PRICKLE2: variants seen among roughly 807,000 people sequenced by gnomAD.
The protein encoded by PRICKLE2 is prickle-like protein 2.
PRICKLE2 carries 21 observed loss-of-function variants against 81.4 expected under a neutral mutation model. The observed-to-expected ratio is 0.26, with a 90% CI of 0.18 to 0.37. The LOEUF (loss-of-function observed/expected upper bound fraction) is 0.37, where lower values mean the gene tolerates loss of function less well. Among genes scored for constraint, PRICKLE2 ranks in the 10% least tolerant of loss-of-function variants. The probability of loss-of-function intolerance (pLI) is 1.00; values close to 1 mark genes in which losing one functional copy is unlikely to be tolerated. For synonymous variants in PRICKLE2, 456 were observed against 421.5 expected, an observed-to-expected ratio of 1.08 and a Z score of -1.00; for missense variants, 940 against 1,109.0, an observed-to-expected ratio of 0.85 and a Z score of 2.16.
At position 64,193,310 on chromosome 3, in the gene PRICKLE2, T is replaced by C. The variant is rs75356659; in HGVS notation, c.144+5474A>G. Among the ~76,000 whole-genome samples, 474 of 152,254 alleles carry C rather than the reference T, an allele frequency of 3.1e-3. 6 individuals are homozygous for C. Among genetic ancestry groups the C allele is most frequent in the African/African-American group, 0.011 (440 of 41,552 alleles). ...CAGGATCATCTGGTACTTTTTGGGATGCTTAGCATCTCAAGGACCCATGCA... is the reference window on the plus strand; with the variant it reads ...CAGGATCATCTGGTACTTTTTGGGACGCTTAGCATCTCAAGGACCCATGCA... On this transcript the variant is annotated intron_variant, in intron 2 of 7. Transcript: ENST00000638394.
rs1559596898 is a variant in PRICKLE2 at position 64,235,918 on chromosome 3, A to G, written c.129-36951T>C. ...CCAGAGTGGAGTTTCCATCACACTG[A>G]TCTGCGTTGTGTGTGTGTAGTTGGG... On this transcript the variant is annotated intron_variant, in intron 2 of 8. Coordinates refer to the PRICKLE2 transcript ENST00000295902. Among the ~76,000 whole-genome samples the G allele has an allele frequency of 2.0e-5, 3 of 151,964 alleles. No individual in the cohort carries two copies. In the East Asian group the frequency reaches 5.8e-4, roughly 29 times the overall value.
chr3:64,139,275 A>G (rs2077324024), intron 7 of PRICKLE2, among the ~76,000 whole-genome samples: 1 of 152,226 alleles, frequency 6.6e-6, no homozygotes, highest in Admixed American at 6.5e-5. Flanking sequence ...CCACTTATTC[A>G]GGCCAATAAA....
At chr3:64,116,848 A>T (rs1042529096) in intron 7 of PRICKLE2, among the ~76,000 whole-genome samples, 7 of 152,186 alleles carry the variant, frequency 4.6e-5, no homozygotes, top group African/African-American at 1.4e-4. Context: ...TTATTCTATG[A>T]GGCCAGCATC....
At chr3:64,199,635 G>A (rs2078533477) in intron 1 of PRICKLE2, 1 of 152,498 alleles carries the variant, frequency 6.6e-6, no homozygotes, top group African/African-American at 2.4e-5. Context: ...TTATATACAA[G>A]AAGATCATGC....
intron 7 of PRICKLE2, among the ~76,000 whole-genome samples, chr3:64,144,571 T>C (rs1416499514): frequency 6.6e-6 from 1 of 152,238 alleles, no homozygotes; most frequent in African/African-American, 2.4e-5. Flanking sequence ...CCATCGGCTA[T>C]GGAATCCTTG....
intron 7 of PRICKLE2, among the ~76,000 whole-genome samples, chr3:64,125,820 T>C (rs994293402): frequency 2.6e-5 from 4 of 152,190 alleles, no homozygotes; most frequent in African/African-American, 4.8e-5. Flanking sequence ...ATCTCTGAGG[T>C]ATGTGTGTAT....
intron 7 of PRICKLE2, among the ~76,000 whole-genome samples, chr3:64,109,044 C>T (rs2076801061): frequency 6.6e-6 from 1 of 152,090 alleles, no homozygotes; most frequent in Non-Finnish European, 1.5e-5. Flanking sequence ...AGATCCTGTC[C>T]TCCACCTGCT....
chr3:64,215,534 C>A (rs1342545625), intron 1 of PRICKLE2, among the ~76,000 whole-genome samples: 2 of 152,170 alleles, frequency 1.3e-5, no homozygotes, highest in East Asian at 3.8e-4. Flanking sequence ...AATACTTAGT[C>A]TGAAATCTAA....
chr3:64,132,870 T>C (rs79695049), intron 7 of PRICKLE2, among the ~76,000 whole-genome samples: 1,829 of 152,286 alleles, frequency 0.012, 37 homozygotes, highest in African/African-American at 0.041. Context: ...GTTTCTTTAA[T>C]TGAGGTACAC....
upstream of PRICKLE2, among the ~76,000 whole-genome samples, chr3:64,225,717 AT>A (rs906775446): frequency 8.6e-5 from 13 of 151,704 alleles, no homozygotes; most frequent in African/African-American, 2.9e-4. Flanking sequence ...ACACATGCCT[AT>A]TTTTTTTCTT....
rs2076564758 is a variant in PRICKLE2 at position 64,095,824 on chromosome 3, G to T, written c.*3227C>A. 6.6e-6 allele frequency: 1 copy of T among 152,162 alleles called. No homozygotes were observed. The highest frequency in any genetic ancestry group is 2.4e-5 in the African/African-American group (1 of 41,436). The allele number at this position is 152,162 out of a possible 1,614,324, so 9.4% of individuals were successfully genotyped here. On this transcript the variant is annotated 3_prime_UTR_variant, in exon 8 of 8. Transcript: ENST00000638394. The stretch of plus-strand genomic sequence containing the variant: ...AGAAGGTGTCAAACAACCCACACCA[G>T]GACTTCTTCCTTGGATGTATGAAAA...
In PRICKLE2 at chr3:64,116,654, T is replaced by C. The variant is rs150722055; in HGVS notation, c.1661-16729A>G. ...TTCCAAGAATGAACCAGGAAGAAAT[T>C]GAATCCCTGAACAGACCAATAATGA... On this transcript the variant is annotated intron_variant, in intron 7 of 7. Transcript: ENST00000638394. 6.0e-3 allele frequency among the ~76,000 whole-genome samples: 916 copies of C among 152,218 alleles called. 10 individuals carry two copies. Among genetic ancestry groups the C allele is most frequent in the African/African-American group, 0.021 (886 of 41,516 alleles).
intron 2 of PRICKLE2, among the ~76,000 whole-genome samples, chr3:64,198,045 A>C (rs184340041): frequency 2.6e-5 from 4 of 151,748 alleles, no homozygotes; most frequent in Non-Finnish European, 5.9e-5. Context: ...CCCCATCTCT[A>C]CTAAAAATAC....
At chr3:64,193,475 A>G (rs2078386640) in intron 2 of PRICKLE2, among the ~76,000 whole-genome samples, 1 of 152,248 alleles carries the variant, frequency 6.6e-6, no homozygotes, top group African/African-American at 2.4e-5. Flanking sequence ...TACAAAGGAT[A>G]ATCCAGATCG....
chr3:64,208,614 T>A (rs2078731164), intron 1 of PRICKLE2, among the ~76,000 whole-genome samples: 1 of 152,142 alleles, frequency 6.6e-6, no homozygotes, highest in Non-Finnish European at 1.5e-5. Flanking sequence ...GGATGGCAGG[T>A]GAGGGGTGAA....
At chr3:64,254,181 T>C (rs978521974) in intron 2 of PRICKLE2, among the ~76,000 whole-genome samples, 5 of 152,226 alleles carry the variant, frequency 3.3e-5, no homozygotes, top group Non-Finnish European at 5.9e-5. Flanking sequence ...TTTCCTTAGA[T>C]TGCTGATGCG....
chr3:64,209,534 C>G (rs561290990), intron 1 of PRICKLE2, among the ~76,000 whole-genome samples: 21 of 152,272 alleles, frequency 1.4e-4, no homozygotes, highest in Admixed American at 3.9e-4. Flanking sequence ...ACATCCACAT[C>G]TATCCATCCA....
At chr3:64,251,718 G>T (rs905402999) in intron 2 of PRICKLE2, among the ~76,000 whole-genome samples, 8 of 152,190 alleles carry the variant, frequency 5.3e-5, no homozygotes, top group Non-Finnish European at 1.2e-4. Context: ...TGATTTGCAA[G>T]TCTCAAGTGT....
intron 2 of PRICKLE2, among the ~76,000 whole-genome samples, chr3:64,171,984 G>A (rs1379839397): frequency 1.3e-5 from 2 of 152,188 alleles, no homozygotes; most frequent in African/African-American, 4.8e-5. Context: ...TATGCCCTAA[G>A]CCGGTACCAT....
Sources: gnomAD v4.1 joint callset for allele counts (sites outside exome capture counted in the v4.1 genomes callset) on GRCh38, gnomAD v4.1.1 for gene constraint, MANE v1.5 for transcripts, NCBI Gene and HGNC (gene_info 2026-07-23, HGNC 2026-07-21) for gene names.